The following DYNC2H1 variants were observed in gnomAD, a reference collection of about 807,000 sequenced individuals.
DYNC2H1 encodes cytoplasmic dynein 2 heavy chain 1.
DYNC2H1 carries 410 observed loss-of-function variants against 570.0 expected under a neutral mutation model. That is an observed-to-expected ratio of 0.72 (90% confidence interval 0.66 to 0.78). The LOEUF (loss-of-function observed/expected upper bound fraction) is 0.78, where lower values mean the gene tolerates loss of function less well. Ranked by LOEUF, DYNC2H1 falls within the 30% of genes least tolerant of loss-of-function variation. The pLI, the probability that DYNC2H1 is intolerant of heterozygous loss-of-function variation, is 0.00. For synonymous variants in DYNC2H1, 1,688 were observed against 1,677.6 expected, an observed-to-expected ratio of 1.01 and a Z score of -0.15; for missense variants, 4,865 against 5,046.4, an observed-to-expected ratio of 0.96 and a Z score of 1.09.
intron 82 of DYNC2H1, among the ~76,000 whole-genome samples, chr11:103,357,723 T>C (rs1163725499): frequency 1.3e-5 from 2 of 152,112 alleles, no homozygotes; most frequent in Non-Finnish European, 2.9e-5. Context: ...GAGGCCGAAG[T>C]GGGAGGATCG....
At chr11:103,341,401 T>C (rs1427322986) in intron 82 of DYNC2H1, among the ~76,000 whole-genome samples, 1 of 152,234 alleles carries the variant, frequency 6.6e-6, no homozygotes, top group Non-Finnish European at 1.5e-5. Context: ...ATCCTTAAAC[T>C]GTCATAATTG....
intron 13 of DYNC2H1, among the ~76,000 whole-genome samples, chr11:103,131,150 A>G (rs926758632): frequency 6.6e-6 from 1 of 152,192 alleles, no homozygotes; most frequent in African/African-American, 2.4e-5. Flanking sequence ...CTCTACTTCC[A>G]TATATTAGTC....
At chr11:103,390,068 T>C (rs4576790) in intron 83 of DYNC2H1, among the ~76,000 whole-genome samples, 102,035 of 151,864 alleles carry the variant, frequency 0.67, 34,415 homozygotes, top group Admixed American at 0.73. Flanking sequence ...ATTTCTGTCT[T>C]GTGGATCTGT....
chr11:103,223,576 CTAAA>C (rs1863679736), intron 59 of DYNC2H1, among the ~76,000 whole-genome samples: 4 of 5,418 alleles, frequency 7.4e-4, no homozygotes, highest in Admixed American at 3.9e-3. Flanking sequence ...TTAGTAGAGA[CTAAA>C]ATAACATGTT....
At chr11:103,148,176 A>G (rs1406919517) in intron 19 of DYNC2H1, among the ~76,000 whole-genome samples, 1 of 152,212 alleles carries the variant, frequency 6.6e-6, no homozygotes, top group East Asian at 1.9e-4. Context: ...TTTTCAAAAT[A>G]CCACAGTTTC....
intron 79 of DYNC2H1, among the ~76,000 whole-genome samples, chr11:103,314,028 T>G (rs904160411): frequency 1.3e-5 from 2 of 152,190 alleles, no homozygotes; most frequent in African/African-American, 2.4e-5. Context: ...ACACTGATAG[T>G]GATTTACCTT....
intron 84 of DYNC2H1, among the ~76,000 whole-genome samples, chr11:103,415,336 A>G (rs981649127): frequency 6.6e-6 from 1 of 152,220 alleles, no homozygotes; most frequent in African/African-American, 2.4e-5. Context: ...TAATTAAACT[A>G]AAGAGCTTCT....
In DYNC2H1 at chr11:103,439,633, A is replaced by G. The variant is rs1944192267; in HGVS notation, c.12456+3601A>G. The stretch of plus-strand genomic sequence containing the variant: ...CTCTGAATACTCTTAATTTAGAGCT[A>G]TAGATCCCCTAGGTATCCAAGGAAC... On this transcript the variant is annotated intron_variant, in intron 85 of 88. Transcript: ENST00000375735. This position sits in a 1 kb window ranked among gnomAD's most constrained non-coding sequence, Gnocchi z 4.1. 6.6e-6 allele frequency among the ~76,000 whole-genome samples: 1 copy of G among 152,064 alleles called. No homozygotes were observed. Among genetic ancestry groups the G allele is most frequent in the African/African-American group, 2.4e-5 (1 of 41,418 alleles).
At chr11:103,467,371 G>T (rs1945224276) in intron 87 of DYNC2H1, among the ~76,000 whole-genome samples, 1 of 152,086 alleles carries the variant, frequency 6.6e-6, no homozygotes, top group African/African-American at 2.4e-5. Context: ...AAAACAATTG[G>T]TTAAGGGATT....
chr11:103,429,450 T>C (rs1943809256), intron 84 of DYNC2H1, among the ~76,000 whole-genome samples: 1 of 115,460 alleles, frequency 8.7e-6, no homozygotes, highest in South Asian at 3.4e-4. Flanking sequence ...TAATCCTTTT[T>C]CTGTACTGAT....
At chr11:103,134,216 T>C in intron 14 of DYNC2H1, 105 bp from the exon 15 acceptor site, 1 of 944,418 alleles carries the variant, frequency 1.1e-6, no homozygotes, top group Non-Finnish European at 1.6e-6. Context: ...TAGATTAAGT[T>C]AAACTTGATC....
intron 17 of DYNC2H1, among the ~76,000 whole-genome samples, chr11:103,136,974 C>T (rs1421005688): frequency 3.3e-5 from 5 of 151,580 alleles, no homozygotes; most frequent in South Asian, 4.2e-4. Flanking sequence ...CTCTGATGGC[C>T]GGTGATGGTG....
chr11:103,193,250 G>A (rs1004804889), intron 47 of DYNC2H1, among the ~76,000 whole-genome samples: 1 of 152,190 alleles, frequency 6.6e-6, no homozygotes, highest in Non-Finnish European at 1.5e-5. Context: ...GACTTGGAGT[G>A]AGGGTTTATG....
intron 84 of DYNC2H1, among the ~76,000 whole-genome samples, chr11:103,413,426 A>T (rs1793502): frequency 0.51 from 77,138 of 152,000 alleles, 19,856 homozygotes; most frequent in African/African-American, 0.6. Context: ...GCAGAACTTT[A>T]GTAGCCCTTA....
chr11:103,194,129 A>G (rs905182531), intron 47 of DYNC2H1, among the ~76,000 whole-genome samples: 1 of 152,118 alleles, frequency 6.6e-6, no homozygotes, highest in Non-Finnish European at 1.5e-5. Flanking sequence ...AGCCATACTC[A>G]CTTCTCTCCC....
chr11:103,398,475 A>C (rs1565562652), intron 83 of DYNC2H1, among the ~76,000 whole-genome samples: 1 of 152,214 alleles, frequency 6.6e-6, no homozygotes, highest in Non-Finnish European at 1.5e-5. Flanking sequence ...TGATTTATTT[A>C]ATGGCAGTAA....
rs775984088 is a variant in DYNC2H1 at position 103,177,725 on chromosome 11, G to A, written c.6044G>A (p.Arg2015Gln). The A allele has an allele frequency of 1.9e-5, 31 of 1,613,358 alleles. No homozygotes were observed. In the East Asian group the frequency reaches 2.5e-4, roughly 13 times the overall value. ...QYTMNPKAMP[R>Q]YQLLGHIDMD... ...ACTATGAATCCCAAAGCTATGCCTC[G>A]ATATCAATTATTAGGCCATATTGAC... Residue 2015 changes from arginine (R) to glutamine (Q), a missense_variant, in exon 38 of 89, where the codon CGA becomes CAA. By Grantham distance (43) the Arg-to-Gln change is conservative. Around this residue, in one of 5 missense-constraint regions of DYNC2H1, gnomAD observed 231 missense variants for 310.3 expected, o/e 0.74. Transcript: ENST00000375735. The surrounding 1 kb of genome is among the most constrained non-coding windows in gnomAD (Gnocchi z 4.4).
rs1184260882 is a variant in DYNC2H1, at chr11:103,446,678, G to GC, written c.12457-8508_12457-8507insC. ...AAAGGAATTTTTTTGGTTTGGTTTT[G>GC]TTTTTTAATATAGGGGATTTTTGAC... On this transcript the variant is annotated intron_variant, in intron 85 of 88. Coordinates refer to ENST00000375735, the MANE Select transcript of DYNC2H1 (RefSeq NM_001377.3). This position sits in a 1 kb window ranked among gnomAD's most constrained non-coding sequence, Gnocchi z 4.5. Among the ~76,000 whole-genome samples, 1 of 152,006 alleles carries GC rather than the reference G, an allele frequency of 6.6e-6. No homozygotes were observed. Among genetic ancestry groups the GC allele is most frequent in the East Asian group, 1.9e-4 (1 of 5,180 alleles).
In DYNC2H1 at chr11:103,129,024, T is replaced by G; in HGVS notation, c.1953+19T>G. On this transcript the variant is annotated intron_variant, in intron 13 of 88. Coordinates refer to ENST00000375735, the MANE Select transcript of DYNC2H1 (RefSeq NM_001377.3). This position sits in a 1 kb window ranked among gnomAD's most constrained non-coding sequence, Gnocchi z 4.1. ...AATTAAGGTAAATGGGCTTTTAATT[T>G]TATTATAATTAGATTTTACATGTGA... 6.4e-7 allele frequency: 1 copy of G among 1,561,710 alleles called. No individual in the cohort carries two copies. Among genetic ancestry groups the G allele is most frequent in the South Asian group, 1.2e-5 (1 of 83,294 alleles).
Sources: gnomAD v4.1 joint callset for allele counts (sites outside exome capture counted in the v4.1 genomes callset) on GRCh38, gnomAD v4.1.1 for gene constraint, gnomAD v4.1.1 regional missense constraint, Gnocchi (gnomAD v3.1) non-coding constraint, MANE v1.5 for transcripts, NCBI Gene and HGNC (gene_info 2026-07-23, HGNC 2026-07-21) for gene names.